Variants in ATP9A observed in about 807,000 individuals in gnomAD.
ATP9A encodes probable phospholipid-transporting ATPase IIA.
Under a neutral mutation model 144.1 loss-of-function variants are expected in ATP9A, and 52 were observed. The observed-to-expected ratio is 0.36, with a 90% CI of 0.29 to 0.45. The LOEUF (loss-of-function observed/expected upper bound fraction) is 0.45. ATP9A is among the 20% of genes least tolerant of loss of function. The pLI, the probability that ATP9A is intolerant of heterozygous loss-of-function variation, is 1.00. For missense variants in ATP9A, 947 were observed against 1,392.7 expected, an observed-to-expected ratio of 0.68 and a Z score of 5.09; for synonymous variants, 582 against 557.4, an observed-to-expected ratio of 1.04 and a Z score of -0.62.
intron 14 of ATP9A, among the ~76,000 whole-genome samples, chr20:51,655,999 A>G (rs1264915571): frequency 6.6e-6 from 1 of 152,234 alleles, no homozygotes; most frequent in Non-Finnish European, 1.5e-5. Flanking sequence ...TCTTGAAAAC[A>G]TCACACTAAG....
Position 51,599,216 on chromosome 20 carries a change from TA to T in ATP9A, c.*1994del, listed in dbSNP as rs2077132067. 6.6e-6 allele frequency: 1 copy of T among 152,224 alleles called. No homozygotes were observed. Among genetic ancestry groups the T allele is most frequent in the South Asian group, 2.1e-4 (1 of 4,828 alleles). 9.4% of individuals were successfully genotyped at this position (152,224 alleles called of 1,614,324 possible). A position where few individuals can be genotyped will look rare whatever the true frequency, so the allele number is the denominator to read the frequency against. On this transcript the variant is annotated 3_prime_UTR_variant, in exon 28 of 28. Coordinates refer to ENST00000338821, the MANE Select transcript of ATP9A (RefSeq NM_006045.3). ...AGCCAGGTACAGGGTTTGCAAAGTCTAAACAGGACTATCTTAAGACTTCCCA... is the reference window on the plus strand; with the variant it reads ...AGCCAGGTACAGGGTTTGCAAAGTCTAACAGGACTATCTTAAGACTTCCCA...
At chr20:51,716,893 G>A (rs2077664186) in intron 3 of ATP9A, among the ~76,000 whole-genome samples, 1 of 152,168 alleles carries the variant, frequency 6.6e-6, no homozygotes, top group African/African-American at 2.4e-5. Flanking sequence ...ACTTCTCAGA[G>A]TCAGCTGTCG....
chr20:51,637,020 G>A (rs2077295171), intron 15 of ATP9A, among the ~76,000 whole-genome samples: 1 of 152,220 alleles, frequency 6.6e-6, no homozygotes, highest in Admixed American at 6.5e-5. Context: ...GAACTTGGGA[G>A]GTGGAGGTTG....
Position 51,689,130 on chromosome 20 carries a change from C to T in ATP9A, c.733G>A (p.Asp245Asn), listed in dbSNP as rs780455528. 2.9e-5 allele frequency: 46 copies of T among 1,613,842 alleles called. 1 individual carries two copies. The highest frequency in any genetic ancestry group is 5.0e-5 in the Admixed American group (3 of 59,978). Residue 245 changes from aspartate (D) to asparagine (N), a missense_variant, in exon 9 of 28, where the codon GAC (aspartate) becomes AAC (asparagine). This residue lies in a region of ATP9A where 770 missense variants were observed against 1,047.9 expected (regional missense o/e 0.73). Coordinates refer to ENST00000338821, the MANE Select transcript of ATP9A (RefSeq NM_006045.3). Reference sequence around the variant, plus strand: ...CTCAGGCTCTCGCTGATCGGGGGGTCGCTGTCTTCCTGGAAAAGACCAAAC... The same window carrying T: ...CTCAGGCTCTCGCTGATCGGGGGGTTGCTGTCTTCCTGGAAAAGACCAAAC... ...FVGTFTREDS[D>N]PPISESLSIE...
At chr20:51,645,824 T>C (rs1601079171) in intron 14 of ATP9A, among the ~76,000 whole-genome samples, 1 of 152,144 alleles carries the variant, frequency 6.6e-6, no homozygotes, top group East Asian at 1.9e-4. Flanking sequence ...AACAAAGTGA[T>C]ATACAACAAG....
intron 23 of ATP9A, 149 bp downstream of exon 23, chr20:51,613,528 G>T: frequency 1.1e-6 from 1 of 871,648 alleles, no homozygotes; most frequent in Non-Finnish European, 1.6e-6. Context: ...GGCGAGGTAG[G>T]GGTGACAGCT....
At chr20:51,658,478 C>CCGTT (rs994848218) in intron 13 of ATP9A, among the ~76,000 whole-genome samples, 5 of 151,236 alleles carry the variant, frequency 3.3e-5, no homozygotes, top group Admixed American at 2.0e-4. Flanking sequence ...GCCTGCAGCT[C>CCGTT]CGTTCCTCTG....
At chr20:51,650,533 CAAAAA>C (rs1168011793) in intron 14 of ATP9A, among the ~76,000 whole-genome samples, 21 of 131,656 alleles carry the variant, frequency 1.6e-4, no homozygotes, top group Admixed American at 1.6e-4. Flanking sequence ...GACTCCGTCT[CAAAAA>C]AAAAAATAAA....
chr20:51,655,579 G>A (rs577995577), intron 14 of ATP9A, among the ~76,000 whole-genome samples: 1 of 152,266 alleles, frequency 6.6e-6, no homozygotes, highest in South Asian at 2.1e-4. Flanking sequence ...ACCACAATGA[G>A]ATACCGCTCC....
chr20:51,735,928 GCCC>G (rs980103096), intron 1 of ATP9A, among the ~76,000 whole-genome samples: 1 of 152,158 alleles, frequency 6.6e-6, no homozygotes, highest in African/African-American at 2.4e-5. Flanking sequence ...GACAGACAAG[GCCC>G]TCCTCCCATG....
At chr20:51,677,670 G>T (rs2122797430) in intron 9 of ATP9A, among the ~76,000 whole-genome samples, 1 of 152,236 alleles carries the variant, frequency 6.6e-6, no homozygotes, top group South Asian at 2.1e-4. Flanking sequence ...ATCCCTTTCA[G>T]TCTAACTTGC....
intron 1 of ATP9A, among the ~76,000 whole-genome samples, chr20:51,746,364 C>G (rs900368841): frequency 6.6e-6 from 1 of 152,194 alleles, no homozygotes; most frequent in Non-Finnish European, 1.5e-5. Context: ...GAAATAGCCA[C>G]GTGGTACCAT....
chr20:51,729,279 TCTAA>T (rs1319598780), intron 2 of ATP9A, among the ~76,000 whole-genome samples: 1 of 152,130 alleles, frequency 6.6e-6, no homozygotes, highest in Non-Finnish European at 1.5e-5. Context: ...GTGAAGTTAC[TCTAA>T]CTGAGCAGGT....
chr20:51,681,096 G>A (rs2077497958), intron 9 of ATP9A, among the ~76,000 whole-genome samples: 1 of 152,198 alleles, frequency 6.6e-6, no homozygotes, highest in African/African-American at 2.4e-5. Context: ...CCTCCTCCCA[G>A]GAGATGACCT....
At chr20:51,698,304 G>C (rs2077578940) in intron 4 of ATP9A, among the ~76,000 whole-genome samples, 1 of 152,170 alleles carries the variant, frequency 6.6e-6, no homozygotes. Flanking sequence ...CAGGCAGATG[G>C]CTTGAGCCCA....
intron 2 of ATP9A, among the ~76,000 whole-genome samples, 174 bp from the exon 3 acceptor site, chr20:51,726,106 G>C (rs1291077203): frequency 6.6e-6 from 1 of 152,026 alleles, no homozygotes; most frequent in Non-Finnish European, 1.5e-5. Flanking sequence ...CTGAGGTCAG[G>C]ATTCGAGACC....
At position 51,639,436 on chromosome 20, in the gene ATP9A, C is replaced by A. The variant is rs778849999; in HGVS notation, c.1575G>T (p.Gln525His). 1 of 1,614,046 alleles carries A rather than the reference C, an allele frequency of 6.2e-7. No homozygotes were observed. Residue 525 changes from glutamine to histidine, a missense_variant, in exon 15 of 28, where the codon CAG becomes CAT. By Grantham distance (24) the Gln-to-His change is conservative. Transcript: ENST00000338821. ...TLVGRDQSSMQLRTPGDQILN... is the reference protein window; with the variant it reads ...TLVGRDQSSMHLRTPGDQILN... ...GGATCTGGTCGCCAGGGGTCCTCAG[C>A]TGCATGGAAGACTGGTCTCGGCCCA...
At chr20:51,662,825 C>T (rs1436120880) in intron 13 of ATP9A, among the ~76,000 whole-genome samples, 1 of 151,978 alleles carries the variant, frequency 6.6e-6, no homozygotes, top group Non-Finnish European at 1.5e-5. Flanking sequence ...AATCCCAGCA[C>T]TTTGGGAGGC....
Position 51,625,335 on chromosome 20 carries a change from C to T in ATP9A, c.1873G>A (p.Val625Met), listed in dbSNP as rs1726816554. Residue 625 changes from valine (V) to methionine (M), a missense_variant, in exon 18 of 28, where the codon GTG (valine) becomes ATG (methionine). Coordinates refer to ENST00000338821, the MANE Select transcript of ATP9A (RefSeq NM_006045.3). ...GCCACTTTGAGGGAGCGGTCGTGCACACTCAGCTTGGCCTGGACGTAGCGG... is the reference window on the plus strand; with the variant it reads ...GCCACTTTGAGGGAGCGGTCGTGCATACTCAGCTTGGCCTGGACGTAGCGG... ...EARYVQAKLSVHDRSLKVATV... is the reference protein window; with the variant it reads ...EARYVQAKLSMHDRSLKVATV... 6.2e-7 allele frequency: 1 copy of T among 1,614,158 alleles called. No homozygotes were observed.
Sources: allele counts gnomAD v4.1 joint callset (sites outside exome capture counted in the v4.1 genomes callset), GRCh38; gene constraint gnomAD v4.1.1; regional missense constraint gnomAD v4.1.1; transcripts MANE v1.5; gene names NCBI Gene and HGNC (gene_info 2026-07-23, HGNC 2026-07-21).